The following VWA8 variants were observed in gnomAD, a reference collection of about 807,000 sequenced individuals.
VWA8 encodes von Willebrand factor A domain-containing protein 8.
VWA8 carries 221 observed loss-of-function variants against 241.5 expected under a neutral mutation model. That is an observed-to-expected ratio of 0.91 (90% CI 0.82 to 1.02). VWA8 has a LOEUF of 1.02. VWA8 is among the 50% of genes least tolerant of loss of function. The pLI is 0.00. For synonymous variants in VWA8, 852 were observed against 827.1 expected (o/e 1.03, Z -0.52); for missense variants, 2,322 against 2,328.7 (o/e 1.00, Z 0.06).
intron 17 of VWA8, among the ~76,000 whole-genome samples, chr13:41,794,167 TGTGAAGAAAG>T (rs1869583851): frequency 6.6e-6 from 1 of 152,202 alleles, no homozygotes; most frequent in Non-Finnish European, 1.5e-5. Context: ...TTCCTAATTC[TGTGAAGAAAG>T]TCAATGGTAG....
intron 5 of VWA8, 47 bp from the exon 6 acceptor site, chr13:41,887,408 C>A: frequency 6.4e-7 from 1 of 1,567,174 alleles, no homozygotes; most frequent in South Asian, 1.2e-5. Flanking sequence ...TGATACAAAT[C>A]ACAACTGTAA....
chr13:41,742,639 A>G (rs543513489), intron 21 of VWA8, among the ~76,000 whole-genome samples: 43 of 152,324 alleles, frequency 2.8e-4, no homozygotes, highest in African/African-American at 9.6e-4. Context: ...AAAATTAAAG[A>G]AGGATATTTT....
intron 4 of VWA8, among the ~76,000 whole-genome samples, chr13:41,906,157 A>C (rs1425907616): frequency 1.3e-5 from 2 of 152,084 alleles, no homozygotes; most frequent in Non-Finnish European, 2.9e-5. Context: ...TTTTGTAATT[A>C]ATAAGTAACA....
chr13:41,616,409 C>A (rs2044620255), intron 37 of VWA8, among the ~76,000 whole-genome samples: 1 of 152,072 alleles, frequency 6.6e-6, no homozygotes, highest in Admixed American at 6.6e-5. Context: ...GATATAAATT[C>A]CACACACATA....
intron 17 of VWA8, among the ~76,000 whole-genome samples, chr13:41,801,419 G>A (rs554364414): frequency 1.3e-5 from 2 of 152,172 alleles, no homozygotes; most frequent in East Asian, 3.9e-4. Context: ...TAAACTGAGA[G>A]GTTATAGAGG....
chr13:41,889,382 A>ATT (rs35477701), intron 5 of VWA8, among the ~76,000 whole-genome samples: 51 of 141,462 alleles, frequency 3.6e-4, no homozygotes, highest in African/African-American at 8.6e-4. Flanking sequence ...TACTAAGCCT[A>ATT]TTTTTTTTTT....
chr13:41,955,257 A>G (rs2138171694), intron 1 of VWA8, among the ~76,000 whole-genome samples: 1 of 152,210 alleles, frequency 6.6e-6, no homozygotes, highest in Admixed American at 6.5e-5. Context: ...AAAAGAAGCA[A>G]ATGTATGCCT....
chr13:41,824,799 A>C (rs1343589102), intron 14 of VWA8, among the ~76,000 whole-genome samples: 1 of 151,656 alleles, frequency 6.6e-6, no homozygotes, highest in African/African-American at 2.4e-5. Context: ...GCCTGGGTGA[A>C]AGATGAGACC....
At chr13:41,878,192 A>G (rs757194769) in intron 9 of VWA8, among the ~76,000 whole-genome samples, 5 of 152,044 alleles carry the variant, frequency 3.3e-5, no homozygotes, top group Non-Finnish European at 5.9e-5. Context: ...TTACCATTAT[A>G]ATACATACTT....
chr13:41,939,305 T>C (rs1200806358), intron 2 of VWA8, among the ~76,000 whole-genome samples: 3 of 152,204 alleles, frequency 2.0e-5, no homozygotes, highest in South Asian at 4.1e-4. Context: ...CACAAAAGCA[T>C]GAAAGAATCC....
chr13:41,852,179 G>A (rs1024841424), intron 12 of VWA8, among the ~76,000 whole-genome samples: 2 of 152,162 alleles, frequency 1.3e-5, no homozygotes, highest in African/African-American at 2.4e-5. Flanking sequence ...CTGATGATGA[G>A]TGATGTTGAC....
At chr13:41,937,362 G>C (rs1434919443) in intron 2 of VWA8, among the ~76,000 whole-genome samples, 1 of 152,140 alleles carries the variant, frequency 6.6e-6, no homozygotes, top group Non-Finnish European at 1.5e-5. Flanking sequence ...CTTGCAACTA[G>C]ACAGTCCCAT....
At chr13:41,835,797 GTAAATA>G (rs1335190509) in intron 12 of VWA8, among the ~76,000 whole-genome samples, 1 of 151,974 alleles carries the variant, frequency 6.6e-6, no homozygotes, top group Non-Finnish European at 1.5e-5. Context: ...ATTTTTTAAA[GTAAATA>G]TAAAAACAGA....
chr13:41,694,819 G>A lies in VWA8; in HGVS notation c.3565-1847C>T, dbSNP rs182656757. On this transcript the variant is annotated intron_variant, in intron 29 of 44. Transcript: ENST00000379310. Reference sequence around the variant, plus strand: ...TCAAGCAGAAAAAGAAGTTAGTATCGTCTTCCATTTTCCTACCTTTTTAGG... The same window carrying A: ...TCAAGCAGAAAAAGAAGTTAGTATCATCTTCCATTTTCCTACCTTTTTAGG... Among the ~76,000 whole-genome samples, 71 of 152,178 alleles carry A rather than the reference G, an allele frequency of 4.7e-4. 2 individuals are homozygous for A. Among genetic ancestry groups the A allele is most frequent in the Admixed American group, 4.5e-3 (68 of 15,270 alleles).
intron 24 of VWA8, among the ~76,000 whole-genome samples, chr13:41,726,463 A>C (rs1039402499): frequency 6.6e-6 from 1 of 152,192 alleles, no homozygotes; most frequent in African/African-American, 2.4e-5. Context: ...TTGATGAGTA[A>C]GTTTATCCCA....
At chr13:41,927,804 GC>G (rs1376842392) in intron 2 of VWA8, among the ~76,000 whole-genome samples, 1 of 152,054 alleles carries the variant, frequency 6.6e-6, no homozygotes, top group Non-Finnish European at 1.5e-5. Context: ...AAGAGTGGCT[GC>G]ATGGATTTAA....
intron 37 of VWA8, among the ~76,000 whole-genome samples, chr13:41,657,837 T>G (rs1052580114): frequency 6.6e-6 from 1 of 152,242 alleles, no homozygotes; most frequent in Non-Finnish European, 1.5e-5. Context: ...CAGATTTATT[T>G]TCTGAGGTCA....
At chr13:41,585,236 G>A (rs565008086) in intron 42 of VWA8, among the ~76,000 whole-genome samples, 1 of 152,194 alleles carries the variant, frequency 6.6e-6, no homozygotes, top group African/African-American at 2.4e-5. Context: ...TATACACTCG[G>A]CTGCGTGAGA....
chr13:41,718,851 A>G lies in VWA8; in HGVS notation c.3116+740T>C, dbSNP rs186679646. On this transcript the variant is annotated intron_variant, in intron 26 of 44. Transcript: ENST00000379310. Reference sequence around the variant, plus strand: ...ATTGAACAGTAATTTAAAAGTGATTATTATCCCCTATGAATTTATAATTAA... The same window carrying G: ...ATTGAACAGTAATTTAAAAGTGATTGTTATCCCCTATGAATTTATAATTAA... Among the ~76,000 whole-genome samples the G allele has an allele frequency of 1.5e-3, 222 of 151,972 alleles. 1 individual carries two copies. Among genetic ancestry groups the G allele is most frequent in the African/African-American group, 5.0e-3 (209 of 41,516 alleles).
Sources: allele counts gnomAD v4.1 joint callset (sites outside exome capture counted in the v4.1 genomes callset), GRCh38; gene constraint gnomAD v4.1.1; transcripts MANE v1.5; gene names NCBI Gene and HGNC (gene_info 2026-07-23, HGNC 2026-07-21).